AHNAK: variants seen among roughly 807,000 people sequenced by gnomAD.
AHNAK encodes the protein AHNAK nucleoprotein.
A neutral mutation model predicts 37.8 loss-of-function variants in AHNAK; 23 were observed. The observed-to-expected ratio is 0.61, with a 90% confidence interval of 0.44 to 0.86. The LOEUF (loss-of-function observed/expected upper bound fraction) is 0.86, where lower values mean the gene tolerates loss of function less well. AHNAK is among the 40% of genes least tolerant of loss of function. The probability of loss-of-function intolerance (pLI) is 0.00; values close to 1 mark genes in which losing one functional copy is unlikely to be tolerated. For missense variants in AHNAK, 7,411 were observed against 7,319.4 expected (o/e 1.01, Z -0.46); for synonymous variants, 2,481 against 2,636.3 (o/e 0.94, Z 1.80).
At chr11:62,443,611 C>T (rs185169405) in intron 5 of AHNAK, among the ~76,000 whole-genome samples, 1 of 152,254 alleles carries the variant, frequency 6.6e-6, no homozygotes, top group East Asian at 1.9e-4. Flanking sequence ...CCTGCCAGGG[C>T]CTCTTGGGGC....
chr11:62,530,351 C>T lies in AHNAK; in HGVS notation c.4066G>A (p.Asp1356Asn). Residue 1356 changes from aspartate (D) to asparagine (N), a missense_variant, in exon 5 of 5, where the codon GAT becomes AAT. Physicochemically the swap from Asp to Asn is conservative, Grantham distance 23. Coordinates refer to ENST00000378024, the MANE Select transcript of AHNAK (RefSeq NM_001620.3). ...PEVEGEMKVP[D>N]VDIKGPKVDI... The stretch of plus-strand genomic sequence containing the variant: ...ACTTTGGGCCCTTTAATGTCAACAT[C>T]TGGCACTTTCATTTCACCTTCTACC... 6.2e-7 allele frequency: 1 copy of T among 1,614,008 alleles called. No homozygotes were observed. The highest frequency in any genetic ancestry group is 8.5e-7 in the Non-Finnish European group (1 of 1,179,998).
At chr11:62,481,484 T>C (rs1160390337) in intron 5 of AHNAK, among the ~76,000 whole-genome samples, 1 of 152,000 alleles carries the variant, frequency 6.6e-6, no homozygotes, top group Non-Finnish European at 1.5e-5. Flanking sequence ...CCTCCACACC[T>C]CCCACCCTCA....
In AHNAK at chr11:62,522,940, A is replaced by C. The variant is rs1315402795; in HGVS notation, c.11477T>G (p.Val3826Gly). Residue 3826 changes from valine to glycine, a missense_variant, in exon 5 of 5, where the codon GTG becomes GGG. Val to Gly is a moderately radical substitution (Grantham distance 109, BLOSUM62 -3). Coordinates refer to ENST00000378024, the MANE Select transcript of AHNAK (RefSeq NM_001620.3). ...GFKGEGPDVD[V>G]NLPKADLDVS... is the part of the protein sequence containing the mutation. ...ATCAAGGTCAGCCTTGGGCAGGTTC[A>C]CATCCACATCTGGGCCCTCTCCTTT... is the stretch of plus-strand genomic sequence containing the variant. 1 of 1,613,050 alleles carries C rather than the reference A, an allele frequency of 6.2e-7. No homozygotes were observed. Among genetic ancestry groups the C allele is most frequent in the Admixed American group, 1.7e-5 (1 of 59,886 alleles).
At chr11:62,534,751 CA>C (rs1316263002) in intron 4 of AHNAK, among the ~76,000 whole-genome samples, 1 of 152,130 alleles carries the variant, frequency 6.6e-6, no homozygotes, top group Non-Finnish European at 1.5e-5. Flanking sequence ...GGCCGGGCTG[CA>C]CAAGTCAGTT....
At chr11:62,472,273 G>A (rs761912078) in intron 5 of AHNAK, among the ~76,000 whole-genome samples, 46 of 151,908 alleles carry the variant, frequency 3.0e-4, no homozygotes, top group Admixed American at 6.6e-4. Flanking sequence ...TCTGTAGACC[G>A]CACAGCCAGA....
Position 62,525,593 on chromosome 11 carries a change from G to A in AHNAK, c.8824C>T (p.Pro2942Ser). 6.2e-7 allele frequency: 1 copy of A among 1,613,278 alleles called. No individual in the cohort carries two copies. The highest frequency in any genetic ancestry group is 8.5e-7 in the Non-Finnish European group (1 of 1,179,876). The change falls in exon 5 of 5, where the codon CCA becomes TCA. Residue 2942 changes from proline (P) to serine (S), a missense_variant. Transcript: ENST00000378024. ...TTGGGCCCTTTCAACTTTCCCTCTG[G>A]TCCTTCAATGTTAACATCAGGGCCT... ...VEGPDVNIEGPEGKLKGPKFK... is the reference protein window; with the variant it reads ...VEGPDVNIEGSEGKLKGPKFK...
Position 62,527,369 on chromosome 11 carries a change from C to T in AHNAK, c.7048G>A (p.Gly2350Ser). ...GGCATGTCAGCATCTAATTTGGGAC[C>T]TTTGACATCCAATTCTGGACCTTTT... ...ELKGPELDVK[G>S]PKLDADMPEV... Residue 2350 changes from glycine (G) to serine (S), a missense_variant, in exon 5 of 5, where the codon GGT (glycine) becomes AGT (serine). By Grantham distance (56) the Gly-to-Ser change is moderately conservative. Coordinates refer to ENST00000378024, the MANE Select transcript of AHNAK (RefSeq NM_001620.3). 1 of 1,614,126 alleles carries T rather than the reference C, an allele frequency of 6.2e-7. No individual in the cohort carries two copies. The highest frequency in any genetic ancestry group is 8.5e-7 in the Non-Finnish European group (1 of 1,180,004).
chr11:62,481,174 C>T (rs1443775849), intron 5 of AHNAK, among the ~76,000 whole-genome samples: 8 of 151,378 alleles, frequency 5.3e-5, no homozygotes, highest in East Asian at 1.9e-4. Flanking sequence ...GGCGCAGTCA[C>T]GGCTCACTGC....
chr11:62,491,019 C>T (rs1019256107), intron 5 of AHNAK, among the ~76,000 whole-genome samples: 2 of 152,116 alleles, frequency 1.3e-5, no homozygotes, highest in Non-Finnish European at 2.9e-5. Flanking sequence ...AACTCCTGAC[C>T]TCAAGTGATC....
At chr11:62,534,831 G>A (rs1347720304) in intron 4 of AHNAK, among the ~76,000 whole-genome samples, 172 bp downstream of exon 4, 5 of 152,192 alleles carry the variant, frequency 3.3e-5, no homozygotes, top group African/African-American at 9.7e-5. Context: ...CATGTCACAC[G>A]AAAGCGGAAA....
intron 1 of AHNAK, among the ~76,000 whole-genome samples, chr11:62,538,022 G>C (rs1399632704): frequency 6.6e-6 from 1 of 151,990 alleles, no homozygotes; most frequent in Non-Finnish European, 1.5e-5. Flanking sequence ...CCCCAGGTCT[G>C]CTGCTTGTAA....
chr11:62,533,321 G>A lies in AHNAK; in HGVS notation c.1096C>T (p.Leu366Phe), dbSNP rs1341492168. 1 of 1,540,416 alleles carries A rather than the reference G, an allele frequency of 6.5e-7. No homozygotes were observed. Among genetic ancestry groups the A allele is most frequent in the Non-Finnish European group, 8.7e-7 (1 of 1,147,434 alleles). The change falls in exon 5 of 5, where the codon CTT (leucine) becomes TTT (phenylalanine). Residue 366 changes from leucine to phenylalanine, a missense_variant. Physicochemically the swap from Leu to Phe is conservative, Grantham distance 22. Transcript: ENST00000378024. ...TGGGGGCCCTTCAGCTTCCCCTCAA[G>A]GCCCTCAATATTGGCAGAGGGCACA... ...VSVPSANIEGLEGKLKGPQIT... is the reference protein window; with the variant it reads ...VSVPSANIEGFEGKLKGPQIT...
Position 62,530,280 on chromosome 11 carries a change from G to T in AHNAK, c.4137C>A (p.His1379Gln). The T allele has an allele frequency of 6.2e-7, 1 of 1,612,526 alleles. No homozygotes were observed. The highest frequency in any genetic ancestry group is 8.5e-7 in the Non-Finnish European group (1 of 1,179,682). ...PDVDVHGPDW[H>Q]LKMPKVKMPK... ...GCATTTTCACCTTGGGCATCTTCAG[G>T]TGCCAATCTGGGCCATGAACATCCA... Residue 1379 changes from histidine (H) to glutamine (Q), a missense_variant, in exon 5 of 5, where the codon CAC becomes CAA. Transcript: ENST00000378024.
intron 5 of AHNAK, among the ~76,000 whole-genome samples, chr11:62,454,401 A>G (rs1445275763): frequency 7.2e-6 from 1 of 138,940 alleles, no homozygotes; most frequent in Admixed American, 7.2e-5. Context: ...CGACAGAGCG[A>G]GACTCCATCT....
intron 4 of AHNAK, among the ~76,000 whole-genome samples, chr11:62,501,324 T>C (rs1363646835): frequency 6.6e-6 from 1 of 152,196 alleles, no homozygotes; most frequent in Non-Finnish European, 1.5e-5. Context: ...ATCCCAACAC[T>C]TGGGGAGGCC....
chr11:62,528,245 T>C lies in AHNAK; in HGVS notation c.6172A>G (p.Met2058Val), dbSNP rs944770641. Residue 2058 changes from methionine (M) to valine (V), a missense_variant, in exon 5 of 5, where the codon ATG becomes GTG. Coordinates refer to ENST00000378024, the MANE Select transcript of AHNAK (RefSeq NM_001620.3). ...MPKMKMPKFS[M>V]PGFKAEGPEV... ...GGGCCCTCTGCTTTGAAGCCAGGCA[T>C]GCTGAACTTGGGCATTTTCATCTTG... The C allele has an allele frequency of 6.2e-7, 1 of 1,614,130 alleles. No homozygotes were observed. Among genetic ancestry groups the C allele is most frequent in the Non-Finnish European group, 8.5e-7 (1 of 1,180,034 alleles).
rs777710874 is a variant in AHNAK, at chr11:62,530,381, G to A, written c.4036C>T (p.Pro1346Ser). The change falls in exon 5 of 5, where the codon CCT (proline) becomes TCT (serine). Residue 1346 changes from proline to serine, a missense_variant. Pro to Ser is a moderately conservative substitution (Grantham distance 74, BLOSUM62 -1). Coordinates refer to ENST00000378024, the MANE Select transcript of AHNAK (RefSeq NM_001620.3). The part of the protein sequence containing the change: ...KLKGDVDVSL[P>S]EVEGEMKVPD... ...ACTTTCATTTCACCTTCTACCTCAG[G>A]CAAGGACACATCCACATCTCCCTTC... 1 of 1,613,960 alleles carries A rather than the reference G, an allele frequency of 6.2e-7. No individual in the cohort carries two copies. Among genetic ancestry groups the A allele is most frequent in the South Asian group, 1.1e-5 (1 of 91,070 alleles).
Position 62,522,547 on chromosome 11 carries a change from G to A in AHNAK, c.11870C>T (p.Pro3957Leu), listed in dbSNP as rs1489928692. 2 of 1,613,330 alleles carry A rather than the reference G, an allele frequency of 1.2e-6. No homozygotes were observed. The highest frequency in any genetic ancestry group is 3.3e-5 in the Admixed American group (2 of 59,868). ...TCCTGAGACGTCAAGGTCAGCCTTGGGCAGGTTCACATCCACTTCTGGACC... is the reference window on the plus strand; with the variant it reads ...TCCTGAGACGTCAAGGTCAGCCTTGAGCAGGTTCACATCCACTTCTGGACC... Reference protein sequence around the residue: ...GEGPEVDVNLPKADLDVSGPK... With the variant: ...GEGPEVDVNLLKADLDVSGPK... The change falls in exon 5 of 5, where the codon CCC becomes CTC. Residue 3957 changes from proline (P) to leucine (L), a missense_variant. Physicochemically the swap from Pro to Leu is moderately conservative, Grantham distance 98 (BLOSUM62 -3). Transcript: ENST00000378024.
At chr11:62,510,206 G>A (rs1215396058) in intron 4 of AHNAK, among the ~76,000 whole-genome samples, 1 of 151,380 alleles carries the variant, frequency 6.6e-6, no homozygotes, top group Non-Finnish European at 1.5e-5. Context: ...ACCACACCCG[G>A]CTAATTTTTT....
Sources: gnomAD v4.1 joint callset for allele counts (sites outside exome capture counted in the v4.1 genomes callset) on GRCh38, gnomAD v4.1.1 for gene constraint, MANE v1.5 for transcripts, NCBI Gene and HGNC (gene_info 2026-07-23, HGNC 2026-07-21) for gene names.